Variants in KALRN observed in about 807,000 individuals in gnomAD.
KALRN encodes kalirin.
A neutral mutation model predicts 353.7 loss-of-function variants in KALRN; 70 were observed. The ratio of observed to expected loss-of-function variants is 0.20; its 90% CI spans 0.16 to 0.24. The LOEUF is 0.24. Among genes scored for constraint, KALRN ranks in the 10% least tolerant of loss-of-function variants. KALRN has a pLI of 1.00. For missense variants in KALRN, 2,791 were observed against 3,756.7 expected, an observed-to-expected ratio of 0.74 and a Z score of 6.72; for synonymous variants, 1,391 against 1,434.8, an observed-to-expected ratio of 0.97 and a Z score of 0.69.
intron 1 of KALRN, among the ~76,000 whole-genome samples, chr3:124,204,339 A>G (rs1048559981): frequency 1.3e-5 from 2 of 152,190 alleles, no homozygotes; most frequent in Non-Finnish European, 1.5e-5. Context: ...AATCTTCTAA[A>G]CCAAATGGGA....
chr3:124,039,919 G>A (rs993837859), intron 1 of KALRN, among the ~76,000 whole-genome samples: 1 of 152,082 alleles, frequency 6.6e-6, no homozygotes, highest in African/African-American at 2.4e-5. Flanking sequence ...GGAGCCTTTG[G>A]GGGAGTATTG....
chr3:124,340,122 A>T (rs1581135423), intron 9 of KALRN, among the ~76,000 whole-genome samples: 1 of 152,226 alleles, frequency 6.6e-6, no homozygotes, highest in South Asian at 2.1e-4. Flanking sequence ...AGGGGGTGGA[A>T]ATAAAACAAC....
intron 1 of KALRN, among the ~76,000 whole-genome samples, chr3:124,214,570 C>T (rs1353865099): frequency 6.6e-6 from 1 of 152,176 alleles, no homozygotes; most frequent in Non-Finnish European, 1.5e-5. Context: ...TCCCAGCCTC[C>T]TAGAGGTCTT....
Position 124,230,617 on chromosome 3 carries a change from C to T in KALRN, c.148+2553C>T, listed in dbSNP as rs903790636. Among the ~76,000 whole-genome samples, 11 of 152,062 alleles carry T rather than the reference C, an allele frequency of 7.2e-5. No homozygotes were observed. In the East Asian group the frequency reaches 1.9e-3, roughly 27 times the overall value. On this transcript the variant is annotated intron_variant, in intron 2 of 59. Transcript: ENST00000682506. Reference sequence around the variant, plus strand: ...CAGGAATGAGGCAGGTAGAAAATTCCCTGAGTAGGACGAAGGGGGCTGGGA... The same window carrying T: ...CAGGAATGAGGCAGGTAGAAAATTCTCTGAGTAGGACGAAGGGGGCTGGGA...
intron 6 of KALRN, among the ~76,000 whole-genome samples, chr3:124,311,054 G>T (rs569571243): frequency 7.2e-5 from 8 of 111,274 alleles, no homozygotes; most frequent in South Asian, 6.5e-4. Context: ...ACCACAATGA[G>T]ATACTACTTC....
intron 39 of KALRN, among the ~76,000 whole-genome samples, chr3:124,657,012 G>C (rs1450773507): frequency 6.6e-6 from 1 of 152,024 alleles, no homozygotes; most frequent in Non-Finnish European, 1.5e-5. Context: ...CCGTCAGATG[G>C]GGATAATGCT....
At chr3:124,313,599 A>G (rs953310597) in intron 6 of KALRN, among the ~76,000 whole-genome samples, 4 of 152,178 alleles carry the variant, frequency 2.6e-5, no homozygotes, top group African/African-American at 7.2e-5. Flanking sequence ...CTTTGAATTC[A>G]ACTCTGGTGA....
At chr3:124,290,386 G>A (rs1247588488) in intron 5 of KALRN, among the ~76,000 whole-genome samples, 2 of 152,190 alleles carry the variant, frequency 1.3e-5, no homozygotes, top group Non-Finnish European at 2.9e-5. Context: ...GGGTTTCATC[G>A]TGGGTGTCAA....
chr3:124,422,776 G>A, intron 14 of KALRN, 36 bp from the exon 15 acceptor site: 1 of 1,582,408 alleles, frequency 6.3e-7, no homozygotes, highest in Non-Finnish European at 8.7e-7. Flanking sequence ...CACAGTACTA[G>A]CTGGTTTTTA....
intron 52 of KALRN, 81 bp from the exon 53 acceptor site, chr3:124,694,249 TGA>T (rs2061954353): frequency 2.3e-6 from 3 of 1,303,820 alleles, no homozygotes; most frequent in African/African-American, 1.5e-5. Flanking sequence ...GGGTGGGAAA[TGA>T]GAGAGGTGTG....
At chr3:124,394,143 C>A (rs2089857020) in intron 11 of KALRN, among the ~76,000 whole-genome samples, 1 of 152,210 alleles carries the variant, frequency 6.6e-6, no homozygotes, top group Non-Finnish European at 1.5e-5. Context: ...GTGATTTGTG[C>A]AAAGGCACCA....
chr3:124,226,833 G>A (rs957615817), intron 1 of KALRN, among the ~76,000 whole-genome samples: 29 of 152,188 alleles, frequency 1.9e-4, no homozygotes, highest in African/African-American at 7.0e-4. Context: ...CCCTAAGGGT[G>A]TAAGCCAAGT....
chr3:124,321,049 C>T (rs1164292955), intron 6 of KALRN, among the ~76,000 whole-genome samples: 1 of 152,170 alleles, frequency 6.6e-6, no homozygotes, highest in Admixed American at 6.5e-5. Flanking sequence ...TGGTATACAC[C>T]TAACTTTTAG....
chr3:124,450,990 T>G (rs1560983211), intron 21 of KALRN, among the ~76,000 whole-genome samples: 1 of 152,130 alleles, frequency 6.6e-6, no homozygotes. Context: ...AAGAAACCTA[T>G]TCACCTGCAC....
intron 13 of KALRN, among the ~76,000 whole-genome samples, chr3:124,408,395 T>C (rs2091811110): frequency 6.6e-6 from 1 of 152,158 alleles, no homozygotes; most frequent in Admixed American, 6.5e-5. Flanking sequence ...TGTAACACCA[T>C]GGTTAAGAGC....
intron 10 of KALRN, among the ~76,000 whole-genome samples, chr3:124,382,268 G>T (rs879938258): frequency 2.0e-5 from 3 of 152,074 alleles, no homozygotes; most frequent in Non-Finnish European, 4.4e-5. Context: ...CTATTATTCT[G>T]TTTTTACTCC....
chr3:124,231,222 G>T (rs541313315), intron 2 of KALRN, among the ~76,000 whole-genome samples: 1 of 152,212 alleles, frequency 6.6e-6, no homozygotes, highest in Non-Finnish European at 1.5e-5. Context: ...GTGAGCCTCC[G>T]TTGTTATCCA....
intron 1 of KALRN, among the ~76,000 whole-genome samples, chr3:124,064,278 C>G (rs556890395): frequency 6.6e-6 from 1 of 151,642 alleles, no homozygotes; most frequent in East Asian, 1.9e-4. Context: ...CCTTAAAGAA[C>G]AAGTAGGAGT....
chr3:124,305,547 A>G (rs1346641949), intron 6 of KALRN, among the ~76,000 whole-genome samples: 2 of 152,238 alleles, frequency 1.3e-5, no homozygotes, highest in African/African-American at 4.8e-5. Context: ...CAAACCTGGT[A>G]CAAGATCTGG....
Sources: gnomAD v4.1 joint callset for allele counts (sites outside exome capture counted in the v4.1 genomes callset) on GRCh38, gnomAD v4.1.1 for gene constraint, MANE v1.5 for transcripts, NCBI Gene and HGNC (gene_info 2026-07-23, HGNC 2026-07-21) for gene names.